The following L3MBTL4 variants were observed in gnomAD, a reference collection of about 807,000 sequenced individuals.
L3MBTL4 encodes the protein lethal(3)malignant brain tumor-like protein 4.
In L3MBTL4, 70 loss-of-function variants were observed where a neutral mutation model predicts 84.5. The observed-to-expected ratio is 0.83, with a 90% confidence interval of 0.68 to 1.01. L3MBTL4 has a LOEUF of 1.01. Among genes scored for constraint, L3MBTL4 ranks in the 50% least tolerant of loss-of-function variants. The pLI is 0.00. For missense variants in L3MBTL4, 715 were observed against 754.8 expected, an observed-to-expected ratio of 0.95 and a Z score of 0.62; for synonymous variants, 274 against 259.8, an observed-to-expected ratio of 1.05 and a Z score of -0.52.
chr18:6,167,926 CA>C (rs1323719695), intron 13 of L3MBTL4, among the ~76,000 whole-genome samples: 2 of 152,108 alleles, frequency 1.3e-5, no homozygotes, highest in African/African-American at 4.8e-5. Context: ...TCTAGAAAAC[CA>C]CATCATCTCA....
chr18:6,377,009 C>T (rs1459676211), intron 1 of L3MBTL4, among the ~76,000 whole-genome samples: 1 of 152,080 alleles, frequency 6.6e-6, no homozygotes, highest in Non-Finnish European at 1.5e-5. Context: ...GTTCTCTCAA[C>T]CAAAAGCAAA....
intron 16 of L3MBTL4, among the ~76,000 whole-genome samples, 166 bp from the exon 17 acceptor site, chr18:5,969,728 A>C (rs1056560868): frequency 6.6e-6 from 1 of 152,198 alleles, no homozygotes; most frequent in African/African-American, 2.4e-5. Context: ...ACCCTATGCC[A>C]CCAGTCTGTT....
At chr18:6,043,881 A>C (rs2056507108) in intron 16 of L3MBTL4, among the ~76,000 whole-genome samples, 1 of 152,206 alleles carries the variant, frequency 6.6e-6, no homozygotes, top group Non-Finnish European at 1.5e-5. Flanking sequence ...CTCACTTCTC[A>C]TGACCAGGAT....
intron 13 of L3MBTL4, among the ~76,000 whole-genome samples, chr18:6,147,956 C>A (rs2042725418): frequency 6.6e-6 from 1 of 151,958 alleles, no homozygotes; most frequent in Admixed American, 6.6e-5. Context: ...ATGAGGATCC[C>A]AGAAAAGGAT....
At chr18:6,133,343 A>G (rs1203088144) in intron 14 of L3MBTL4, among the ~76,000 whole-genome samples, 2 of 151,952 alleles carry the variant, frequency 1.3e-5, no homozygotes, top group Non-Finnish European at 2.9e-5. Context: ...TCACACACAC[A>G]CACACACACA....
intron 14 of L3MBTL4, among the ~76,000 whole-genome samples, chr18:6,096,888 A>G (rs1364799390): frequency 1.3e-5 from 2 of 152,196 alleles, no homozygotes; most frequent in Non-Finnish European, 2.9e-5. Context: ...TTGATTATGC[A>G]TGGAGACAAG....
chr18:6,111,731 A>T (rs1029915622), intron 14 of L3MBTL4, among the ~76,000 whole-genome samples: 1 of 151,792 alleles, frequency 6.6e-6, no homozygotes, highest in African/African-American at 2.4e-5. Flanking sequence ...ATGTATATAC[A>T]TATATATATA....
chr18:6,174,211 T>A (rs1338242851), intron 12 of L3MBTL4, among the ~76,000 whole-genome samples: 2 of 151,964 alleles, frequency 1.3e-5, no homozygotes, highest in Non-Finnish European at 2.9e-5. Context: ...AAAAGTTTAT[T>A]AAACATGTAA....
intron 12 of L3MBTL4, among the ~76,000 whole-genome samples, chr18:6,184,469 GATTT>G (rs1331169974): frequency 1.3e-5 from 2 of 152,176 alleles, no homozygotes; most frequent in South Asian, 2.1e-4. Flanking sequence ...ACGTCTAAAG[GATTT>G]ATTTAAGATT....
chr18:6,167,520 A>C (rs943630584), intron 13 of L3MBTL4, among the ~76,000 whole-genome samples: 4 of 152,242 alleles, frequency 2.6e-5, no homozygotes. Flanking sequence ...AGGCTGGTTC[A>C]ACATACGCAA....
chr18:6,316,650 T>G (rs2051116441), intron 1 of L3MBTL4, among the ~76,000 whole-genome samples: 1 of 152,152 alleles, frequency 6.6e-6, no homozygotes, highest in Admixed American at 6.5e-5. Flanking sequence ...CAAGAGGTGG[T>G]CACAACTCCT....
At chr18:6,404,114 T>C (rs1050615725) in intron 1 of L3MBTL4, among the ~76,000 whole-genome samples, 32 of 120,240 alleles carry the variant, frequency 2.7e-4, no homozygotes, top group Admixed American at 2.0e-3. Context: ...GGGAGGAGGG[T>C]GGGGGATAAA....
chr18:6,121,305 A>G (rs981819652), intron 14 of L3MBTL4, among the ~76,000 whole-genome samples: 1 of 152,210 alleles, frequency 6.6e-6, no homozygotes, highest in Non-Finnish European at 1.5e-5. Flanking sequence ...AATTAAGAAA[A>G]TTCAGTAATA....
intron 1 of L3MBTL4, among the ~76,000 whole-genome samples, chr18:6,368,610 C>T (rs2054028913): frequency 6.6e-6 from 1 of 152,176 alleles, no homozygotes; most frequent in African/African-American, 2.4e-5. Context: ...GTTTAAGAGA[C>T]TTCCAAAAAG....
At chr18:6,125,742 C>T (rs1286095769) in intron 14 of L3MBTL4, among the ~76,000 whole-genome samples, 5 of 152,128 alleles carry the variant, frequency 3.3e-5, no homozygotes, top group Non-Finnish European at 7.3e-5. Flanking sequence ...CTTTTTAAGA[C>T]AGTTATATAT....
chr18:6,399,452 G>GA (rs11436148), intron 1 of L3MBTL4, among the ~76,000 whole-genome samples: 5,592 of 150,324 alleles, frequency 0.037, 179 homozygotes, highest in Middle Eastern at 0.11. Flanking sequence ...AAGAAAAAAA[G>GA]AAAAAAAAAG....
intron 16 of L3MBTL4, among the ~76,000 whole-genome samples, chr18:6,042,240 C>CTTAT (rs1454148920): frequency 2.0e-5 from 3 of 152,108 alleles, no homozygotes; most frequent in Non-Finnish European, 4.4e-5. Context: ...TCTCAGAAAC[C>CTTAT]TTATGACCTC....
chr18:6,310,482 T>G (rs2050777734), intron 3 of L3MBTL4, among the ~76,000 whole-genome samples: 1 of 152,218 alleles, frequency 6.6e-6, no homozygotes, highest in South Asian at 2.1e-4. Context: ...GATCATTCTT[T>G]GAGATGTCTC....
intron 13 of L3MBTL4, among the ~76,000 whole-genome samples, chr18:6,159,219 C>T (rs1422589489): frequency 6.6e-6 from 1 of 152,200 alleles, no homozygotes; most frequent in East Asian, 1.9e-4. Flanking sequence ...TAGGCCTCGC[C>T]CCAGGTTGGG....
Sources: gnomAD v4.1 joint callset for allele counts (sites outside exome capture counted in the v4.1 genomes callset) on GRCh38, gnomAD v4.1.1 for gene constraint, MANE v1.5 for transcripts, NCBI Gene and HGNC (gene_info 2026-07-23, HGNC 2026-07-21) for gene names.